The following OTOGL variants were observed in gnomAD, a reference collection of about 807,000 sequenced individuals.
OTOGL encodes the protein otogelin like, also known as otogelin-like protein.
Under a neutral mutation model 318.5 loss-of-function variants are expected in OTOGL, and 285 were observed. The observed-to-expected ratio is 0.89, with a 90% confidence interval of 0.81 to 0.99. The LOEUF (loss-of-function observed/expected upper bound fraction) is 0.99, where lower values mean the gene tolerates loss of function less well. Ranked by LOEUF, OTOGL falls within the 50% of genes least tolerant of loss-of-function variation. The pLI is 0.00. For missense variants in OTOGL, 2,899 were observed against 2,845.6 expected (o/e 1.02, Z -0.43); for synonymous variants, 987 against 936.5 (o/e 1.05, Z -0.99).
At chr12:80,340,044 T>G (rs1888664789) in intron 43 of OTOGL, among the ~76,000 whole-genome samples, 1 of 152,134 alleles carries the variant, frequency 6.6e-6, no homozygotes, top group South Asian at 2.1e-4. Context: ...ATTGTTTGGA[T>G]TACATGTGAA....
chr12:80,114,059 C>T (rs981948966), intron 1 of OTOGL, among the ~76,000 whole-genome samples: 6 of 152,026 alleles, frequency 3.9e-5, no homozygotes, highest in African/African-American at 1.4e-4. Flanking sequence ...GGTCTTGACT[C>T]TTTATCCAAT....
At chr12:80,174,808 G>T (rs1874424193) in intron 1 of OTOGL, among the ~76,000 whole-genome samples, 1 of 152,198 alleles carries the variant, frequency 6.6e-6, no homozygotes, top group East Asian at 1.9e-4. Context: ...ATGTAGATTA[G>T]AATATTCCTT....
chr12:80,271,540 C>A, intron 23 of OTOGL, 108 bp from the exon 24 acceptor site: 1 of 1,108,394 alleles, frequency 9.0e-7, no homozygotes, highest in Non-Finnish European at 1.2e-6. Flanking sequence ...CTAACATTCT[C>A]AAACTCAAAA....
At chr12:80,196,127 A>G (rs1384682382) in intron 1 of OTOGL, among the ~76,000 whole-genome samples, 1 of 152,168 alleles carries the variant, frequency 6.6e-6, no homozygotes, top group South Asian at 2.1e-4. Flanking sequence ...TGGAGCCACT[A>G]GTGTTTGCTG....
At chr12:80,280,014 CTTA>C (rs1884105032) in intron 26 of OTOGL, among the ~76,000 whole-genome samples, 1 of 151,610 alleles carries the variant, frequency 6.6e-6, no homozygotes, top group East Asian at 1.9e-4. Context: ...GAGATGATAT[CTTA>C]TTATGGTTTT....
At chr12:80,103,457 T>C (rs1869266746) in intron 1 of OTOGL, 1 of 597,562 alleles carries the variant, frequency 1.7e-6, no homozygotes, top group African/African-American at 1.9e-5. Context: ...TCTCTTCCCA[T>C]AGTTAATTCT....
chr12:80,306,616 A>G (rs940980386), intron 29 of OTOGL, among the ~76,000 whole-genome samples: 1 of 152,152 alleles, frequency 6.6e-6, no homozygotes, highest in Admixed American at 6.5e-5. Context: ...GCTTAAGAGT[A>G]TGAAAGTGTA....
At chr12:80,111,302 T>A (rs563082781) in intron 1 of OTOGL, among the ~76,000 whole-genome samples, 57 of 152,362 alleles carry the variant, frequency 3.7e-4, no homozygotes, top group Admixed American at 5.2e-4. Context: ...TTTTGGTGTT[T>A]TAGTCATGAA....
intron 11 of OTOGL, among the ~76,000 whole-genome samples, chr12:80,241,716 G>A (rs1592594076): frequency 6.6e-6 from 1 of 152,140 alleles, no homozygotes; most frequent in Middle Eastern, 3.4e-3. Context: ...CGCTTCAACA[G>A]CTAAAATGAC....
chr12:80,186,139 C>A (rs570431635), intron 1 of OTOGL, among the ~76,000 whole-genome samples: 1 of 152,192 alleles, frequency 6.6e-6, no homozygotes, highest in African/African-American at 2.4e-5. Context: ...ACATCTCACG[C>A]TCTCTGAAGG....
At chr12:80,108,512 T>C (rs1443447762) in intron 1 of OTOGL, among the ~76,000 whole-genome samples, 2 of 151,736 alleles carry the variant, frequency 1.3e-5, no homozygotes, top group Non-Finnish European at 2.9e-5. Context: ...TTTTTCATTG[T>C]TACTTTTTTT....
At chr12:80,367,468 A>G (rs1203196796) in intron 53 of OTOGL, 93 bp from the exon 54 acceptor site, 2 of 999,968 alleles carry the variant, frequency 2.0e-6, no homozygotes, top group South Asian at 2.2e-5. Flanking sequence ...GGCACATCGC[A>G]ATGAAAACAT....
At chr12:80,177,749 T>G (rs1452667112) in intron 1 of OTOGL, among the ~76,000 whole-genome samples, 2 of 152,138 alleles carry the variant, frequency 1.3e-5, no homozygotes, top group East Asian at 3.9e-4. Context: ...GGTCTTTAAT[T>G]TTTTTACAAC....
intron 20 of OTOGL, 26 bp from the exon 21 acceptor site, chr12:80,266,425 C>G: frequency 1.2e-6 from 2 of 1,611,116 alleles, no homozygotes; most frequent in Non-Finnish European, 1.7e-6. Flanking sequence ...GGCAATCTTT[C>G]TCAAGTGATA....
At chr12:80,286,084 G>A (rs1173137113) in intron 26 of OTOGL, among the ~76,000 whole-genome samples, 1 of 152,092 alleles carries the variant, frequency 6.6e-6, no homozygotes, top group Non-Finnish European at 1.5e-5. Flanking sequence ...AGCATAAAGG[G>A]ATGTTTAATT....
At chr12:80,123,640 T>C (rs10862056) in intron 1 of OTOGL, among the ~76,000 whole-genome samples, 81,408 of 151,534 alleles carry the variant, frequency 0.54, 21,992 homozygotes, top group Middle Eastern at 0.58. Context: ...TTGAACTAGT[T>C]TATAGTCCCA....
At chr12:80,366,441 T>A in intron 52 of OTOGL, 133 bp from the exon 53 acceptor site, 1 of 446,526 alleles carries the variant, frequency 2.2e-6, no homozygotes, top group South Asian at 1.8e-5. Flanking sequence ...ATAAGGGACT[T>A]ATTAGATGTT....
At chr12:80,295,500 C>G (rs896009803) in intron 26 of OTOGL, among the ~76,000 whole-genome samples, 10 of 152,142 alleles carry the variant, frequency 6.6e-5, no homozygotes, top group African/African-American at 2.2e-4. Flanking sequence ...CATTTAATGA[C>G]TTTTTCTTAC....
chr12:80,330,627 A>G (rs1482000613), intron 37 of OTOGL, among the ~76,000 whole-genome samples: 1 of 152,232 alleles, frequency 6.6e-6, no homozygotes, highest in African/African-American at 2.4e-5. Flanking sequence ...TTAAACAACC[A>G]TAATCTCTTT....
Sources: gnomAD v4.1 joint callset for allele counts (sites outside exome capture counted in the v4.1 genomes callset) on GRCh38, gnomAD v4.1.1 for gene constraint, MANE v1.5 for transcripts, NCBI Gene and HGNC (gene_info 2026-07-23, HGNC 2026-07-21) for gene names.